The following ZFP91 variants were observed in gnomAD, a reference collection of about 807,000 sequenced individuals.
ZFP91 encodes E3 ubiquitin-protein ligase ZFP91.
A neutral mutation model predicts 63.5 loss-of-function variants in ZFP91; 7 were observed. The observed-to-expected ratio is 0.11, with a 90% CI of 0.06 to 0.21. The LOEUF (loss-of-function observed/expected upper bound fraction) is 0.21, where lower values mean the gene tolerates loss of function less well. Ranked by LOEUF, ZFP91 falls within the 10% of genes least tolerant of loss-of-function variation. The probability of loss-of-function intolerance (pLI) is 1.00; values close to 1 mark genes in which losing one functional copy is unlikely to be tolerated. For missense variants in ZFP91, 628 were observed against 736.6 expected, an observed-to-expected ratio of 0.85 and a Z score of 1.71; for synonymous variants, 330 against 272.1, an observed-to-expected ratio of 1.21 and a Z score of -2.10.
In ZFP91 at chr11:58,583,336, C is replaced by CT. The variant is rs1462384246; in HGVS notation, c.342-1518dup. Among the ~76,000 whole-genome samples the CT allele has an allele frequency of 5.9e-5, 9 of 152,136 alleles. 1 individual carries two copies. Among genetic ancestry groups the CT allele is most frequent in the Admixed American group, 2.0e-4 (3 of 15,290 alleles). ...ATACTGAGTATTTTTAGATGTCTTC[C>CT]TTCAGGTTCAGATTAAGGAAAGTAG... On this transcript the variant is annotated intron_variant, in intron 1 of 10. Transcript: ENST00000316059.
intron 1 of ZFP91, among the ~76,000 whole-genome samples, chr11:58,580,867 C>A (rs1565213893): frequency 6.6e-6 from 1 of 152,210 alleles, no homozygotes; most frequent in Non-Finnish European, 1.5e-5. Context: ...ACAGATTCAG[C>A]TGCAATTAGA....
At chr11:58,603,920 A>T (rs1376286774) in intron 2 of ZFP91, among the ~76,000 whole-genome samples, 1 of 151,874 alleles carries the variant, frequency 6.6e-6, no homozygotes, top group Non-Finnish European at 1.5e-5. Flanking sequence ...AGTGGACCAT[A>T]CCCCCAGTCT....
At chr11:58,584,775 G>C in intron 1 of ZFP91, 81 bp from the exon 2 acceptor site, 1 of 1,267,468 alleles carries the variant, frequency 7.9e-7, no homozygotes, top group East Asian at 2.7e-5. Flanking sequence ...TATCACTCTG[G>C]AGGTGAACCT....
At chr11:58,582,772 T>C (rs1478383009) in intron 1 of ZFP91, among the ~76,000 whole-genome samples, 1 of 152,204 alleles carries the variant, frequency 6.6e-6, no homozygotes, top group African/African-American at 2.4e-5. Context: ...TTACAGTTTT[T>C]ATAATCTGAT....
intron 2 of ZFP91, 79 bp downstream of exon 2, chr11:58,584,963 A>G: frequency 8.5e-7 from 1 of 1,172,044 alleles, no homozygotes. Flanking sequence ...CATCATTCAA[A>G]TTGGTTCCCA....
intron 7 of ZFP91, chr11:58,612,544 C>A: frequency 1.6e-6 from 1 of 620,580 alleles, no homozygotes. Flanking sequence ...TTTGGGGGGT[C>A]ATTAGTTTAT....
At chr11:58,588,713 A>T (rs898482923) in intron 2 of ZFP91, among the ~76,000 whole-genome samples, 1 of 152,060 alleles carries the variant, frequency 6.6e-6, no homozygotes, top group Non-Finnish European at 1.5e-5. Context: ...TCTGTTTTAT[A>T]GTATACTTTT....
At chr11:58,598,182 T>C (rs913253282) in intron 2 of ZFP91, among the ~76,000 whole-genome samples, 1 of 152,182 alleles carries the variant, frequency 6.6e-6, no homozygotes, top group Non-Finnish European at 1.5e-5. Context: ...CTCTGGACTT[T>C]GGATGATACC....
At chr11:58,608,066 G>GAT (rs368079598) in intron 2 of ZFP91, among the ~76,000 whole-genome samples, 1,550 of 151,160 alleles carry the variant, frequency 0.01, 26 homozygotes, top group African/African-American at 0.036. Flanking sequence ...TAGTATGTAA[G>GAT]ATATATATAT....
intron 5 of ZFP91, 124 bp from the exon 6 acceptor site, chr11:58,611,480 C>T (rs2134420034): frequency 8.0e-7 from 1 of 1,245,506 alleles, no homozygotes; most frequent in Non-Finnish European, 1.1e-6. Flanking sequence ...TAGGAAATCA[C>T]ATTTCATGAA....
chr11:58,614,116 G>C (rs1195152092), intron 8 of ZFP91, 113 bp from the exon 9 acceptor site: 4 of 578,014 alleles, frequency 6.9e-6, no homozygotes, highest in Non-Finnish European at 9.0e-6. Flanking sequence ...CACTATCCAT[G>C]TGTGAAATCT....
chr11:58,613,617 A>G (rs934381739), intron 8 of ZFP91, among the ~76,000 whole-genome samples: 1 of 152,340 alleles, frequency 6.6e-6, no homozygotes, highest in Non-Finnish European at 1.5e-5. Flanking sequence ...AAAAAGTAAA[A>G]TTAGAACTCA....
At chr11:58,607,789 TC>T (rs1855592408) in intron 2 of ZFP91, among the ~76,000 whole-genome samples, 1 of 152,124 alleles carries the variant, frequency 6.6e-6, no homozygotes, top group Non-Finnish European at 1.5e-5. Flanking sequence ...TGCTGATAAT[TC>T]CATGTCATTT....
intron 2 of ZFP91, among the ~76,000 whole-genome samples, chr11:58,588,511 A>T (rs571034431): frequency 6.6e-6 from 1 of 152,070 alleles, no homozygotes; most frequent in East Asian, 1.9e-4. Flanking sequence ...TCTGTGCTCC[A>T]TGTTTTAAAA....
At chr11:58,597,130 T>C (rs535579287) in intron 2 of ZFP91, among the ~76,000 whole-genome samples, 1 of 152,318 alleles carries the variant, frequency 6.6e-6, no homozygotes, top group Non-Finnish European at 1.5e-5. Context: ...AAAGCATCAA[T>C]GGAACCAGTC....
rs553692063 is a variant in ZFP91 at position 58,620,495 on chromosome 11, C to T, written c.*2789C>T. 1 of 152,732 alleles carries T rather than the reference C, an allele frequency of 6.5e-6. No individual in the cohort carries two copies. The highest frequency in any genetic ancestry group is 6.5e-5 in the Admixed American group (1 of 15,302). 9.5% of individuals were successfully genotyped at this position (152,732 alleles called of 1,614,324 possible). ...TTTAATATTTCTGGGAGATGTGCAT[C>T]CCTCTTCTTTGTGGTTGCCCAAGGT... On this transcript the variant is annotated 3_prime_UTR_variant, in exon 11 of 11. Coordinates refer to ENST00000316059, the MANE Select transcript of ZFP91 (RefSeq NM_053023.5).
chr11:58,583,994 CTT>C (rs1226438660), intron 1 of ZFP91, among the ~76,000 whole-genome samples: 2 of 151,914 alleles, frequency 1.3e-5, no homozygotes, highest in Admixed American at 6.6e-5. Context: ...GGCCTGTTGA[CTT>C]TTGAATTTTA....
At chr11:58,611,764 A>T (rs1855668539) in intron 6 of ZFP91, 26 bp downstream of exon 6, 1 of 1,583,656 alleles carries the variant, frequency 6.3e-7, no homozygotes. Flanking sequence ...TTAAAAATGA[A>T]AATCTAACAG....
rs112637268 is a variant in ZFP91, at chr11:58,597,940, G to A, written c.371-11890G>A. ...TATGGGTCCCGTAGTGTTAGTCAAG[G>A]TTTCAGGTATTGCTCTAAACATAGT... On this transcript the variant is annotated intron_variant, in intron 2 of 10. Coordinates refer to ENST00000316059, the MANE Select transcript of ZFP91 (RefSeq NM_053023.5). 6.0e-4 allele frequency among the ~76,000 whole-genome samples: 91 copies of A among 152,174 alleles called. 1 individual carries two copies. The highest frequency in any genetic ancestry group is 5.4e-3 in the South Asian group (26 of 4,828).
Sources: gnomAD v4.1 joint callset for allele counts (sites outside exome capture counted in the v4.1 genomes callset) on GRCh38, gnomAD v4.1.1 for gene constraint, MANE v1.5 for transcripts, NCBI Gene and HGNC (gene_info 2026-07-23, HGNC 2026-07-21) for gene names.